RP1: variants seen among roughly 807,000 people sequenced by gnomAD.
RP1 encodes oxygen-regulated protein 1.
RP1 carries 16 observed loss-of-function variants against 14.8 expected under a neutral mutation model. The observed-to-expected ratio is 1.08, with a 90% CI of 0.73 to 1.65. RP1 has a LOEUF of 1.65. Ranked by LOEUF, RP1 falls within the 40% of genes most tolerant of loss-of-function variation. RP1 has a pLI of 0.00. For missense variants in RP1, 2,631 were observed against 2,535.0 expected (o/e 1.04, Z -0.81); for synonymous variants, 876 against 883.6 (o/e 0.99, Z 0.15).
chr8:54,768,790 C>T (rs1461552279), intron 22 of RP1, among the ~76,000 whole-genome samples: 1 of 152,128 alleles, frequency 6.6e-6, no homozygotes, highest in Non-Finnish European at 1.5e-5. Context: ...GCTTCTAACA[C>T]TAAAGTTTAC....
Position 54,584,366 on chromosome 8 carries a change from C to G in RP1, c.-13+25046C>G, listed in dbSNP as rs536125865. 4.5e-3 allele frequency among the ~76,000 whole-genome samples: 692 copies of G among 152,254 alleles called. 5 individuals are homozygous for G. Among genetic ancestry groups the G allele is most frequent in the African/African-American group, 0.014 (577 of 41,536 alleles). On this transcript the variant is annotated intron_variant, in intron 1 of 22. Coordinates refer to the RP1 transcript ENST00000636932. Reference sequence around the variant, plus strand: ...TTTGATTGCACTGTGGTCTGAGAGACAGTTTGTTATAATTTCTGTTCTTTT... The same window carrying G: ...TTTGATTGCACTGTGGTCTGAGAGAGAGTTTGTTATAATTTCTGTTCTTTT...
chr8:54,835,736 A>G (rs1275765430), intron 24 of RP1, among the ~76,000 whole-genome samples: 1 of 152,198 alleles, frequency 6.6e-6, no homozygotes. Flanking sequence ...GCCAGGGTAC[A>G]AGCAACTAAC....
At chr8:54,646,903 A>T (rs578208409) in intron 3 of RP1, among the ~76,000 whole-genome samples, 23 of 152,334 alleles carry the variant, frequency 1.5e-4, no homozygotes, top group Non-Finnish European at 8.8e-5. Context: ...CATACCAGTC[A>T]TCCTACAGAG....
chr8:54,578,665 T>C (rs1804715290), intron 1 of RP1, among the ~76,000 whole-genome samples: 1 of 152,234 alleles, frequency 6.6e-6, no homozygotes, highest in Admixed American at 6.5e-5. Flanking sequence ...ATGTAGTACC[T>C]TTCAAATAAA....
At chr8:54,601,744 G>A (rs145342183) in intron 1 of RP1, among the ~76,000 whole-genome samples, 3 of 152,008 alleles carry the variant, frequency 2.0e-5, no homozygotes, top group African/African-American at 7.2e-5. Flanking sequence ...TAAAATATTT[G>A]AAAATAATAA....
chr8:54,813,702 C>T (rs571403017), intron 24 of RP1, among the ~76,000 whole-genome samples: 5 of 152,328 alleles, frequency 3.3e-5, no homozygotes, highest in African/African-American at 7.2e-5. Context: ...CATTTACACA[C>T]ATGCACTGGA....
exon 25 of RP1, chr8:54,837,560 A>G (rs1811690098): frequency 1.6e-6 from 2 of 1,231,426 alleles, no homozygotes; most frequent in African/African-American, 3.1e-5. Flanking sequence ...ATATAGCCAC[A>G]TATGAGCTAT....
intron 24 of RP1, among the ~76,000 whole-genome samples, chr8:54,812,159 G>A (rs933539414): frequency 6.6e-6 from 1 of 152,174 alleles, no homozygotes; most frequent in Non-Finnish European, 1.5e-5. Flanking sequence ...TATTTATGTA[G>A]ACACAGAATC....
At chr8:54,614,189 C>T (rs1805660664), upstream of RP1, among the ~76,000 whole-genome samples, 1 of 152,224 alleles carries the variant, frequency 6.6e-6, no homozygotes, top group Non-Finnish European at 1.5e-5. Flanking sequence ...TGAGGTCTGA[C>T]TGACTCAGTG....
At chr8:54,695,645 G>T (rs1049963868) in intron 12 of RP1, among the ~76,000 whole-genome samples, 6 of 152,052 alleles carry the variant, frequency 3.9e-5, no homozygotes, top group African/African-American at 1.2e-4. Flanking sequence ...TCATTAGTTT[G>T]CACAATTAAT....
At chr8:54,693,497 G>A (rs1807772279) in intron 12 of RP1, among the ~76,000 whole-genome samples, 1 of 152,096 alleles carries the variant, frequency 6.6e-6, no homozygotes, top group Admixed American at 6.6e-5. Context: ...ATTTCGTTGA[G>A]CAGTGGTTTG....
At chr8:54,560,880 T>C (rs886932204) in intron 1 of RP1, 4 of 151,874 alleles carry the variant, frequency 2.6e-5, no homozygotes, top group African/African-American at 9.7e-5. Context: ...TAGCATCCAA[T>C]GGCTTTAGGT....
At chr8:54,812,141 T>C (rs1250692713) in intron 24 of RP1, among the ~76,000 whole-genome samples, 1 of 152,170 alleles carries the variant, frequency 6.6e-6, no homozygotes, top group Non-Finnish European at 1.5e-5. Flanking sequence ...CAGATTTTTG[T>C]TTTCTTTTAT....
chr8:54,588,044 C>T (rs1338450551), intron 1 of RP1, among the ~76,000 whole-genome samples: 2 of 152,196 alleles, frequency 1.3e-5, no homozygotes, highest in East Asian at 3.8e-4. Context: ...TTTTGAATTA[C>T]AGCACATTTC....
intron 1 of RP1, among the ~76,000 whole-genome samples, chr8:54,601,091 G>T (rs538355388): frequency 5.3e-5 from 8 of 152,214 alleles, no homozygotes; most frequent in African/African-American, 1.7e-4. Context: ...TGACCATTTC[G>T]TTTTGCCATT....
intron 3 of RP1, among the ~76,000 whole-genome samples, chr8:54,643,720 C>T (rs1027472497): frequency 5.9e-5 from 9 of 152,112 alleles, no homozygotes; most frequent in Admixed American, 5.9e-4. Flanking sequence ...AAGATCCTCC[C>T]TCACCTCTTC....
At chr8:54,799,301 G>A (rs564134980) in intron 24 of RP1, among the ~76,000 whole-genome samples, 2 of 151,930 alleles carry the variant, frequency 1.3e-5, no homozygotes, top group South Asian at 2.1e-4. Flanking sequence ...CATTTATTGC[G>A]ATCTGTTCTT....
chr8:54,734,713 T>C (rs1808876789), exon 18 of RP1: 1 of 1,534,436 alleles, frequency 6.5e-7, no homozygotes, highest in Non-Finnish European at 8.7e-7. Flanking sequence ...TCAGAGCAGC[T>C]CTTCCTTCCA....
Position 54,846,733 on chromosome 8 carries a change from C to A in RP1, c.3836-5841C>A, listed in dbSNP as rs569147750. On this transcript the variant is annotated intron_variant, in intron 25 of 28. Coordinates refer to the RP1 transcript ENST00000637698. ...TTTCTGCCCCTCTTAATACTCCATA[C>A]GGATACCTTAGTTCCTGGATATCAT... 2.0e-5 allele frequency among the ~76,000 whole-genome samples: 3 copies of A among 152,216 alleles called. No individual in the cohort carries two copies. The East Asian group carries it at 5.8e-4, about 29-fold the overall frequency.
Sources: gnomAD v4.1 joint callset for allele counts (sites outside exome capture counted in the v4.1 genomes callset) on GRCh38, gnomAD v4.1.1 for gene constraint, MANE v1.5 for transcripts, NCBI Gene and HGNC (gene_info 2026-07-23, HGNC 2026-07-21) for gene names.